DYRK3: variants seen among roughly 807,000 people sequenced by gnomAD.
The protein encoded by DYRK3 is dual specificity tyrosine phosphorylation regulated kinase 3.
DYRK3 carries 30 observed loss-of-function variants against 40.8 expected under a neutral mutation model. That is an observed-to-expected ratio of 0.74 (90% confidence interval 0.55 to 1.00). The LOEUF is 1.00. Among genes scored for constraint, DYRK3 ranks in the 50% least tolerant of loss-of-function variants. The pLI is 0.00. For synonymous variants in DYRK3, 272 were observed against 260.7 expected (o/e 1.04, Z -0.42); for missense variants, 699 against 731.5 (o/e 0.96, Z 0.51).
At chr1:206,635,993 G>C (rs1553418258) in intron 1 of DYRK3, 3 of 1,399,326 alleles carry the variant, frequency 2.1e-6, no homozygotes, top group Non-Finnish European at 1.9e-6. Flanking sequence ...GACGGGGCTA[G>C]AGCGGAGTTA....
At chr1:206,642,421 A>G (rs1244768407) in intron 2 of DYRK3, among the ~76,000 whole-genome samples, 1 of 152,184 alleles carries the variant, frequency 6.6e-6, no homozygotes, top group Non-Finnish European at 1.5e-5. Flanking sequence ...CAGCCATCCC[A>G]TTACTGGGCA....
chr1:206,636,531 C>G (rs1206917749), intron 1 of DYRK3, among the ~76,000 whole-genome samples: 1 of 152,148 alleles, frequency 6.6e-6, no homozygotes, highest in Non-Finnish European at 1.5e-5. Context: ...ATAATTCTAT[C>G]AGAATGTGAG....
rs1171151107 is a variant in DYRK3, at chr1:206,648,095, T to A, written c.897T>A (p.Ile299=). The change falls in exon 3 of 3, where the codon ATT becomes ATA. Residue 299 remains isoleucine, a synonymous_variant. Transcript: ENST00000367109. ...ELLSIDLYEL[I]KKNKFQGFSV... ...TGAGCATAGACCTTTATGAGCTGATTAAAAAAAATAAGTTTCAGGGTTTTA... is the reference window on the plus strand; with the variant it reads ...TGAGCATAGACCTTTATGAGCTGATAAAAAAAAATAAGTTTCAGGGTTTTA... 6.2e-7 allele frequency: 1 copy of A among 1,613,744 alleles called. No homozygotes were observed. Among genetic ancestry groups the A allele is most frequent in the African/African-American group, 1.3e-5 (1 of 74,818 alleles).
Position 206,648,816 on chromosome 1 carries a change from C to T in DYRK3, c.1618C>T (p.Arg540Trp), listed in dbSNP as rs200713840. The T allele has an allele frequency of 1.2e-5, 20 of 1,614,070 alleles. No homozygotes were observed. The highest frequency in any genetic ancestry group is 5.3e-5 in the African/African-American group (4 of 74,916). ...CACCATAGACAAGGTGTCAGGGAAA[C>T]GGGTAGTTAATCCTGCAAGTGCTTT... ...LTTIDKVSGKRVVNPASAFQG... is the reference protein window; with the variant it reads ...LTTIDKVSGKWVVNPASAFQG... The change falls in exon 3 of 3, where the codon CGG (arginine) becomes TGG (tryptophan). Residue 540 changes from arginine (R) to tryptophan (W), a missense_variant. Arg to Trp is a moderately radical substitution (Grantham distance 101, BLOSUM62 -3). Transcript: ENST00000367109.
In DYRK3 at chr1:206,647,961, C is replaced by A; in HGVS notation, c.763C>A (p.Arg255=). The change falls in exon 3 of 3, where the codon CGG becomes AGG. Residue 255 remains arginine, a synonymous_variant. Coordinates refer to ENST00000367109, the MANE Select transcript of DYRK3 (RefSeq NM_003582.4). ...TCATCGTCAAGCAGCTGAGGAGATCCGGATTTTGGAGCATCTTAAGAAACA... is the reference window on the plus strand; with the variant it reads ...TCATCGTCAAGCAGCTGAGGAGATCAGGATTTTGGAGCATCTTAAGAAACA... ...RFHRQAAEEI[R]ILEHLKKQDK... 3 of 1,613,978 alleles carry A rather than the reference C, an allele frequency of 1.9e-6. No individual in the cohort carries two copies. The South Asian group carries it at 3.3e-5, about 18-fold the overall frequency.
chr1:206,648,902 C>T lies in DYRK3; in HGVS notation c.1704C>T (p.Asn568=). The part of the protein sequence containing the change: ...VVGIANKLKA[N]LMSETNGSIP... ...GAATAGCCAATAAGCTTAAAGCTAA[C>T]TTAATGTCAGAAACCAATGGTAGTA... Residue 568 remains asparagine (N), a synonymous_variant, in exon 3 of 3, where the codon AAC becomes AAT. Coordinates refer to ENST00000367109, the MANE Select transcript of DYRK3 (RefSeq NM_003582.4). The T allele has an allele frequency of 1.2e-6, 2 of 1,614,146 alleles. No individual in the cohort carries two copies. The highest frequency in any genetic ancestry group is 1.7e-6 in the Non-Finnish European group (2 of 1,180,026).
rs1487583571 is a variant in DYRK3 at position 206,653,947 on chromosome 1, A to G, written c.*4982A>G. Among the ~76,000 whole-genome samples, 3 of 152,248 alleles carry G rather than the reference A, an allele frequency of 2.0e-5. No individual in the cohort carries two copies. Among genetic ancestry groups the G allele is most frequent in the Non-Finnish European group, 4.4e-5 (3 of 68,036 alleles). On this transcript the variant is annotated 3_prime_UTR_variant, in exon 3 of 3. Transcript: ENST00000367109. ...GGGGCTTATTGCATAATCAAAAAAG[A>G]ACAATAAAAAAATAAAAATTTCTAC...
At position 206,649,076 on chromosome 1, in the gene DYRK3, T is replaced by A. The variant is rs948707013; in HGVS notation, c.*111T>A. On this transcript the variant is annotated 3_prime_UTR_variant, in exon 3 of 3. Transcript: ENST00000367109. ...TGGATGTTTTTGTTAGAGTAGACTTTTTTTAAACAAGACAAAACATTTTTA... is the reference window on the plus strand; with the variant it reads ...TGGATGTTTTTGTTAGAGTAGACTTATTTTAAACAAGACAAAACATTTTTA... 10 of 1,190,666 alleles carry A rather than the reference T, an allele frequency of 8.4e-6. No individual in the cohort carries two copies. Among genetic ancestry groups the A allele is most frequent in the Non-Finnish European group, 1.2e-5 (10 of 868,452 alleles). 73.8% of individuals were successfully genotyped at this position (1,190,666 alleles called of 1,614,324 possible).
rs535535104 is a variant in DYRK3 at position 206,650,221 on chromosome 1, C to G, written c.*1256C>G. Among the ~76,000 whole-genome samples the G allele has an allele frequency of 3.3e-5, 5 of 152,344 alleles. No individual in the cohort carries two copies. Among genetic ancestry groups the G allele is most frequent in the African/African-American group, 1.2e-4 (5 of 41,580 alleles). ...TTTGTTTGTTGTTTCCTGTCCCTTG[C>G]TCTATTTCTGTCCTCTTCCAGAACA... is the stretch of plus-strand genomic sequence containing the variant. On this transcript the variant is annotated 3_prime_UTR_variant, in exon 3 of 3. Coordinates refer to ENST00000367109, the MANE Select transcript of DYRK3 (RefSeq NM_003582.4).
chr1:206,644,773 CAG>C (rs1456662796), intron 2 of DYRK3, among the ~76,000 whole-genome samples: 1 of 152,166 alleles, frequency 6.6e-6, no homozygotes, highest in Admixed American at 6.5e-5. Context: ...CTCCTGACCT[CAG>C]GTGATCCACC....
Position 206,649,292 on chromosome 1 carries a change from C to T in DYRK3, c.*327C>T. ...AGATAGAAGGTGTAGCAAAAGTATC[C>T]CAACTACTCCTCGCTTCTAGTGTCC... On this transcript the variant is annotated 3_prime_UTR_variant, in exon 3 of 3. Transcript: ENST00000367109. 4.2e-6 allele frequency: 1 copy of T among 237,380 alleles called. No homozygotes were observed. The highest frequency in any genetic ancestry group is 8.3e-6 in the Non-Finnish European group (1 of 119,864). The allele number at this position is 237,380 out of a possible 1,614,324, so 14.7% of individuals were successfully genotyped here.
rs1301523953 is a variant in DYRK3, at chr1:206,651,942, A to G, written c.*2977A>G. The stretch of plus-strand genomic sequence containing the variant: ...TTCCTTGGGATGTTTGGACAGAATG[A>G]TCTGGCTTGATGTATTTCTTGGGCT... On this transcript the variant is annotated 3_prime_UTR_variant, in exon 3 of 3. Coordinates refer to ENST00000367109, the MANE Select transcript of DYRK3 (RefSeq NM_003582.4). Among the ~76,000 whole-genome samples, 1 of 152,214 alleles carries G rather than the reference A, an allele frequency of 6.6e-6. No individual in the cohort carries two copies. Among genetic ancestry groups the G allele is most frequent in the Non-Finnish European group, 1.5e-5 (1 of 68,032 alleles).
At position 206,652,387 on chromosome 1, in the gene DYRK3, A is replaced by G. The variant is rs1240000978; in HGVS notation, c.*3422A>G. ...CCAGTACTGTGCCTGAACTTGGGAG[A>G]GAAAGGGGCCTGTGGCTGAGGTTGG... On this transcript the variant is annotated 3_prime_UTR_variant, in exon 3 of 3. Coordinates refer to ENST00000367109, the MANE Select transcript of DYRK3 (RefSeq NM_003582.4). Among the ~76,000 whole-genome samples, 2 of 152,022 alleles carry G rather than the reference A, an allele frequency of 1.3e-5. No homozygotes were observed. The highest frequency in any genetic ancestry group is 4.8e-5 in the African/African-American group (2 of 41,380).
chr1:206,641,892 C>T lies in DYRK3; in HGVS notation c.189+4131C>T, dbSNP rs1553419403. Reference sequence around the variant, plus strand: ...GGCAAGGACTTCATGTCTAAAACACCAAATGCAACGGCAACAAAAGCCAAA... The same window carrying T: ...GGCAAGGACTTCATGTCTAAAACACTAAATGCAACGGCAACAAAAGCCAAA... On this transcript the variant is annotated intron_variant, in intron 2 of 2. Transcript: ENST00000367109. Among the ~76,000 whole-genome samples, 3 of 150,544 alleles carry T rather than the reference C, an allele frequency of 2.0e-5. 1 individual carries two copies. Among genetic ancestry groups the T allele is most frequent in the African/African-American group, 7.4e-5 (3 of 40,298 alleles).
chr1:206,637,709 G>A lies in DYRK3; in HGVS notation c.137G>A (p.Cys46Tyr), dbSNP rs782477076. 6.2e-7 allele frequency: 1 copy of A among 1,613,940 alleles called. No homozygotes were observed. Among genetic ancestry groups the A allele is most frequent in the Non-Finnish European group, 8.5e-7 (1 of 1,179,988 alleles). ...MMIDETKCPP[C>Y]SNVLCNPSEP... ...ATAGATGAAACCAAATGTCCCCCCT[G>A]TTCAAATGTACTCTGCAATCCTTCT... Residue 46 changes from cysteine (C) to tyrosine (Y), a missense_variant, in exon 2 of 3, where the codon TGT (cysteine) becomes TAT (tyrosine). Transcript: ENST00000367109.
At chr1:206,640,260 GAAAAT>G (rs1362537253) in intron 2 of DYRK3, among the ~76,000 whole-genome samples, 3 of 151,874 alleles carry the variant, frequency 2.0e-5, no homozygotes, top group Non-Finnish European at 4.4e-5. Context: ...TGCTGAAAAA[GAAAAT>G]AAAAATAAAA....
chr1:206,637,854 A>G, intron 2 of DYRK3, 93 bp downstream of exon 2: 1 of 933,864 alleles, frequency 1.1e-6, no homozygotes. Context: ...ATCACTGACA[A>G]CCAGACTTTT....
rs1553418611 is a variant in DYRK3 at position 206,637,756 on chromosome 1, CTAAATGTAAGTA to C, written c.185_189+7del. On this transcript the variant is annotated splice_donor_variant and splice_donor_5th_base_variant and coding_sequence_variant and intron_variant, in exon 2 of 3. Coordinates refer to ENST00000367109, the MANE Select transcript of DYRK3 (RefSeq NM_003582.4). LOFTEE classifies it high-confidence loss of function. ...TTCTGAACCACCTCCACCCAGAAGA[CTAAATGTAAGTA>C]AAAGAAGTCATTCTTTGTACATGAA... 2 of 1,608,654 alleles carry C rather than the reference CTAAATGTAAGTA, an allele frequency of 1.2e-6. No individual in the cohort carries two copies. The highest frequency in any genetic ancestry group is 4.5e-5 in the East Asian group (2 of 44,818).
Position 206,647,639 on chromosome 1 carries a change from G to A in DYRK3, c.441G>A (p.Leu147=), listed in dbSNP as rs374559497. Residue 147 remains leucine (L), a synonymous_variant, in exon 3 of 3, where the codon CTG becomes CTA. Transcript: ENST00000367109. Reference sequence around the variant, plus strand: ...TGCCTCTGACTCCAGAACAAGCCCTGAAGCAATATAAACACCACCTCACTG... The same window carrying A: ...TGCCTCTGACTCCAGAACAAGCCCTAAAGCAATATAAACACCACCTCACTG... ...KVVPLTPEQA[L]KQYKHHLTAY... The A allele has an allele frequency of 9.9e-6, 16 of 1,613,982 alleles. No individual in the cohort carries two copies. Among genetic ancestry groups the A allele is most frequent in the Non-Finnish European group, 1.3e-5 (15 of 1,180,028 alleles).
Sources: allele counts gnomAD v4.1 joint callset (sites outside exome capture counted in the v4.1 genomes callset), GRCh38; gene constraint gnomAD v4.1.1; transcripts MANE v1.5; gene names NCBI Gene and HGNC (gene_info 2026-07-23, HGNC 2026-07-21).